The following RASSF5 variants were observed in gnomAD, a reference collection of about 807,000 sequenced individuals.
The protein encoded by RASSF5 is ras association domain-containing protein 5.
In RASSF5, 25 loss-of-function variants were observed where a neutral mutation model predicts 40.5. That is an observed-to-expected ratio of 0.62 (90% CI 0.45 to 0.86). The LOEUF (loss-of-function observed/expected upper bound fraction) is 0.86, where lower values mean the gene tolerates loss of function less well. Ranked by LOEUF, RASSF5 falls within the 40% of genes least tolerant of loss-of-function variation. The pLI, the probability that RASSF5 is intolerant of heterozygous loss-of-function variation, is 0.00. For missense variants in RASSF5, 521 were observed against 572.8 expected (o/e 0.91, Z 0.92); for synonymous variants, 246 against 252.4 (o/e 0.97, Z 0.24).
chr1:206,578,248 G>A (rs1558520621), intron 2 of RASSF5, among the ~76,000 whole-genome samples: 1 of 151,370 alleles, frequency 6.6e-6, no homozygotes, highest in Non-Finnish European at 1.5e-5. Context: ...GTGTGTGTGT[G>A]TGTGTGTGTG....
intron 5 of RASSF5, chr1:206,586,365 A>G (rs559572265): frequency 1.3e-5 from 2 of 158,322 alleles, no homozygotes; most frequent in South Asian, 1.8e-4. Flanking sequence ...AGATACCCCA[A>G]TTTCCCAGCA....
In RASSF5 at chr1:206,508,000, G is replaced by A. The variant is rs1666508420; in HGVS notation, c.398G>A (p.Gly133Asp). The A allele has an allele frequency of 6.6e-7, 1 of 1,512,876 alleles. No homozygotes were observed. Among genetic ancestry groups the A allele is most frequent in the Non-Finnish European group, 8.8e-7 (1 of 1,135,326 alleles). The allele number at this position is 1,512,876 out of a possible 1,614,324, so 93.7% of individuals were successfully genotyped here. A position where few individuals can be genotyped will look rare whatever the true frequency, so the allele number is the denominator to read the frequency against. The part of the protein sequence containing the change: ...HCFAELVLPG[G>D]PGWCDLCGRE... The stretch of plus-strand genomic sequence containing the variant: ...TTCGCCGAGTTGGTGCTGCCGGGCG[G>A]CCCCGGCTGGTGTGACCTGTGCGGA... Residue 133 changes from glycine (G) to aspartate (D), a missense_variant, in exon 1 of 6, where the codon GGC (glycine) becomes GAC (aspartate). Gly to Asp is a moderately conservative substitution (Grantham distance 94). This residue lies in a region of RASSF5 where 237 missense variants were observed against 212.0 expected (regional missense o/e 1.12). Transcript: ENST00000579436.
At chr1:206,565,379 TCCC>T (rs1304757133) in intron 2 of RASSF5, among the ~76,000 whole-genome samples, 1 of 152,238 alleles carries the variant, frequency 6.6e-6, no homozygotes, top group African/African-American at 2.4e-5. Flanking sequence ...CCCAAAATTT[TCCC>T]AGGTTCCCTT....
At chr1:206,566,344 T>C (rs1376896307) in intron 2 of RASSF5, among the ~76,000 whole-genome samples, 1 of 152,236 alleles carries the variant, frequency 6.6e-6, no homozygotes, top group Non-Finnish European at 1.5e-5. Context: ...GTCAATTTCC[T>C]GATGCTGAAA....
chr1:206,537,584 G>C (rs1412713059), intron 1 of RASSF5, among the ~76,000 whole-genome samples: 1 of 152,114 alleles, frequency 6.6e-6, no homozygotes. Flanking sequence ...TCAGATTTGG[G>C]AATATGTATG....
rs572795110 is a variant in RASSF5 at position 206,557,256 on chromosome 1, G to C, written c.579+18963G>C. ...ACGGCGGCGGAGGGAGGGCGCTGGC[G>C]CCGGGGACACGAAACCGCAGAGCCC... is the stretch of plus-strand genomic sequence containing the variant. On this transcript the variant is annotated intron_variant, in intron 2 of 5. Transcript: ENST00000579436. The C allele has an allele frequency of 2.3e-4, 263 of 1,131,554 alleles. No homozygotes were observed. In the African/African-American group the frequency reaches 3.8e-3, roughly 16 times the overall value. 70.1% of individuals were successfully genotyped at this position (1,131,554 alleles called of 1,614,324 possible). A position where few individuals can be genotyped will look rare whatever the true frequency, so the allele number is the denominator to read the frequency against.
chr1:206,536,299 G>C (rs555330401), intron 1 of RASSF5, among the ~76,000 whole-genome samples: 1 of 152,186 alleles, frequency 6.6e-6, no homozygotes, highest in Admixed American at 6.5e-5. Flanking sequence ...GTAGAGAAGC[G>C]TGGGATCTGA....
In RASSF5 at chr1:206,560,632, A is replaced by G. The variant is rs1668111970; in HGVS notation, c.579+22339A>G. 6.6e-6 allele frequency among the ~76,000 whole-genome samples: 1 copy of G among 152,218 alleles called. No individual in the cohort carries two copies. The highest frequency in any genetic ancestry group is 6.5e-5 in the Admixed American group (1 of 15,284). On this transcript the variant is annotated intron_variant, in intron 2 of 5. Transcript: ENST00000579436. The surrounding 1 kb of genome is among the most constrained non-coding windows in gnomAD (Gnocchi z 5.1). ...CAATTAGATCGTGTTTCTCTGGGTC[A>G]GGCATGTCACAAATGGGGCCTGGGG...
At chr1:206,546,874 G>A (rs879985611) in intron 2 of RASSF5, among the ~76,000 whole-genome samples, 2 of 152,180 alleles carry the variant, frequency 1.3e-5, no homozygotes, top group Non-Finnish European at 2.9e-5. Context: ...CCATCTTAAA[G>A]TTGAGAAATC....
intron 2 of RASSF5, among the ~76,000 whole-genome samples, chr1:206,548,523 G>A (rs991013138): frequency 9.2e-5 from 14 of 152,132 alleles, no homozygotes; most frequent in East Asian, 5.8e-4. Flanking sequence ...GACACCTCCC[G>A]CCAGGCCCCA....
At position 206,588,094 on chromosome 1, in the gene RASSF5, G is replaced by GGCCC. The variant is rs1669195644; in HGVS notation, c.*1116_*1117insGCCC. 1 of 152,800 alleles carries GGCCC rather than the reference G, an allele frequency of 6.5e-6. No individual in the cohort carries two copies. The highest frequency in any genetic ancestry group is 1.5e-5 in the Non-Finnish European group (1 of 68,074). 9.5% of individuals were successfully genotyped at this position (152,800 alleles called of 1,614,324 possible). A position where few individuals can be genotyped will look rare whatever the true frequency, so the allele number is the denominator to read the frequency against. ...GGCCAGACCCGGCACTGCGCTCGGAGAGCCGGTGGGCCTGGCCTCCCCGTC... is the reference window on the plus strand; with the variant it reads ...GGCCAGACCCGGCACTGCGCTCGGAGGCCCAGCCGGTGGGCCTGGCCTCCCCGTC... On this transcript the variant is annotated 3_prime_UTR_variant, in exon 6 of 6. Coordinates refer to ENST00000579436, the MANE Select transcript of RASSF5 (RefSeq NM_182663.4).
At chr1:206,511,716 G>A (rs1229263142) in intron 1 of RASSF5, among the ~76,000 whole-genome samples, 1 of 152,182 alleles carries the variant, frequency 6.6e-6, no homozygotes, top group Non-Finnish European at 1.5e-5. Context: ...CCTCGGGGAA[G>A]GGCACCGGGA....
chr1:206,510,630 G>A (rs1286192530), intron 1 of RASSF5, among the ~76,000 whole-genome samples: 1 of 152,152 alleles, frequency 6.6e-6, no homozygotes, highest in Non-Finnish European at 1.5e-5. Flanking sequence ...GAGCTAAGTG[G>A]GGAAGTGACT....
chr1:206,523,478 ATATATAATAT>A (rs1666969255), intron 1 of RASSF5, among the ~76,000 whole-genome samples: 1 of 105,710 alleles, frequency 9.5e-6, no homozygotes, highest in South Asian at 2.4e-4. Flanking sequence ...TTTATATACA[ATATATAATAT>A]TATATATTAT....
Position 206,535,714 on chromosome 1 carries a change from TG to T in RASSF5, c.458-2456del, listed in dbSNP as rs1553398556. Among the ~76,000 whole-genome samples, 95,794 of 138,548 alleles carry T rather than the reference TG, an allele frequency of 0.69. 32,565 individuals are homozygous for T. Among genetic ancestry groups the T allele is most frequent in the East Asian group, 0.9 (4,353 of 4,838 alleles). 90.9% of individuals were successfully genotyped at this position (138,548 alleles called of 152,430 possible). A position where few individuals can be genotyped will look rare whatever the true frequency, so the allele number is the denominator to read the frequency against. On this transcript the variant is annotated intron_variant, in intron 1 of 5. Transcript: ENST00000579436. This position sits in a 1 kb window ranked among gnomAD's most constrained non-coding sequence, Gnocchi z 5.0. ...GTGTGTGTGTGTGTCTGTGTGTGTG[TG>T]GTGTGTGTGTGTGTGTGTGTGTGTG...
At chr1:206,555,512 C>T (rs1034022392) in intron 2 of RASSF5, among the ~76,000 whole-genome samples, 48 of 94,826 alleles carry the variant, frequency 5.1e-4, no homozygotes, top group Non-Finnish European at 4.3e-4. Flanking sequence ...CTGGGGGAAA[C>T]CCCCCAAACA....
At chr1:206,522,922 A>C (rs1213955958) in intron 1 of RASSF5, among the ~76,000 whole-genome samples, 2 of 152,204 alleles carry the variant, frequency 1.3e-5, no homozygotes, top group African/African-American at 2.4e-5. Context: ...AGATTCATTT[A>C]AAAGTAAAGC....
intron 2 of RASSF5, chr1:206,542,354 A>G (rs1667566707): frequency 1.3e-5 from 2 of 151,670 alleles, no homozygotes; most frequent in Non-Finnish European, 2.9e-5. Context: ...GTTTAAGACA[A>G]CCCTAGCATC....
chr1:206,530,251 A>T (rs531214891), intron 1 of RASSF5, among the ~76,000 whole-genome samples: 86 of 152,372 alleles, frequency 5.6e-4, no homozygotes, highest in African/African-American at 2.1e-3. Flanking sequence ...AAGTATGTAT[A>T]GATTTTATAT....
Sources: allele counts gnomAD v4.1 joint callset (sites outside exome capture counted in the v4.1 genomes callset), GRCh38; gene constraint gnomAD v4.1.1; regional missense constraint gnomAD v4.1.1; non-coding constraint Gnocchi (gnomAD v3.1); transcripts MANE v1.5; gene names NCBI Gene and HGNC (gene_info 2026-07-23, HGNC 2026-07-21).